The following RAP1GAP2 variants were observed in gnomAD, a reference collection of about 807,000 sequenced individuals.
The protein encoded by RAP1GAP2 is RAP1 GTPase activating protein 2, also known as rap1 GTPase-activating protein 2.
Under a neutral mutation model 95.0 loss-of-function variants are expected in RAP1GAP2, and 27 were observed. The observed-to-expected ratio is 0.28, with a 90% CI of 0.21 to 0.39. The LOEUF (loss-of-function observed/expected upper bound fraction) is 0.39. Among genes scored for constraint, RAP1GAP2 ranks in the 10% least tolerant of loss-of-function variants. The pLI is 1.00. For missense variants in RAP1GAP2, 771 were observed against 970.0 expected, an observed-to-expected ratio of 0.79 and a Z score of 2.72; for synonymous variants, 373 against 380.9, an observed-to-expected ratio of 0.98 and a Z score of 0.24.
At chr17:2,911,164 C>G (rs948416506) in intron 3 of RAP1GAP2, among the ~76,000 whole-genome samples, 2 of 152,070 alleles carry the variant, frequency 1.3e-5, no homozygotes, top group Admixed American at 1.3e-4. Context: ...GAGTCTCTGC[C>G]GCGCTCCCCC....
chr17:2,899,490 C>T (rs575194937), intron 2 of RAP1GAP2, among the ~76,000 whole-genome samples: 238 of 151,800 alleles, frequency 1.6e-3, no homozygotes, highest in Non-Finnish European at 2.7e-3. Context: ...GGATTACAGG[C>T]GTCAGCCACC....
chr17:2,791,449 G>A (rs766540064), upstream of RAP1GAP2, among the ~76,000 whole-genome samples: 48 of 152,210 alleles, frequency 3.2e-4, no homozygotes, highest in Non-Finnish European at 6.5e-4. Flanking sequence ...TCTCCCCAGT[G>A]ATGAGCTGAG....
chr17:2,912,682 C>T (rs932571991), intron 3 of RAP1GAP2, among the ~76,000 whole-genome samples: 1 of 152,136 alleles, frequency 6.6e-6, no homozygotes, highest in African/African-American at 2.4e-5. Context: ...GGGAGAGTCA[C>T]CTCTGGTCTC....
intron 2 of RAP1GAP2, among the ~76,000 whole-genome samples, chr17:2,889,967 G>A (rs182869276): frequency 0.01 from 1,445 of 141,760 alleles, 28 homozygotes; most frequent in African/African-American, 0.034. Context: ...CAAGTGATCC[G>A]CCCGCTTTGG....
chr17:2,813,354 C>T lies in RAP1GAP2; in HGVS notation c.80+12804C>T, dbSNP rs527369083. On this transcript the variant is annotated intron_variant, in intron 2 of 24. Coordinates refer to ENST00000254695, the MANE Select transcript of RAP1GAP2 (RefSeq NM_015085.5). ...CCTCCCAAAGTGCTGGGAATACAGG[C>T]GTGAGCTGCGGTGCCCAACTATACT... Among the ~76,000 whole-genome samples, 12 of 152,184 alleles carry T rather than the reference C, an allele frequency of 7.9e-5. 1 individual carries two copies. In the South Asian group the frequency reaches 2.3e-3, roughly 29 times the overall value.
chr17:2,957,993 C>T (rs527868619), intron 4 of RAP1GAP2, among the ~76,000 whole-genome samples, 199 bp downstream of exon 4: 3 of 152,128 alleles, frequency 2.0e-5, no homozygotes, highest in Admixed American at 6.5e-5. Context: ...AAGACTCCTG[C>T]GGAGGGACAG....
intron 11 of RAP1GAP2, among the ~76,000 whole-genome samples, chr17:2,989,428 G>T (rs997277186): frequency 6.6e-6 from 1 of 152,050 alleles, no homozygotes; most frequent in Non-Finnish European, 1.5e-5. Flanking sequence ...TGCCTCCCGG[G>T]TTCCAGCGAT....
chr17:2,913,615 G>T (rs2042465414), intron 3 of RAP1GAP2, among the ~76,000 whole-genome samples: 1 of 152,096 alleles, frequency 6.6e-6, no homozygotes, highest in Admixed American at 6.6e-5. Context: ...AGGCCAACTT[G>T]CTTATGCTTC....
At chr17:2,790,965 GA>G (rs1377463879) in intron 1 of RAP1GAP2, among the ~76,000 whole-genome samples, 1 of 152,236 alleles carries the variant, frequency 6.6e-6, no homozygotes, top group Non-Finnish European at 1.5e-5. Context: ...AGCACTTTGG[GA>G]GGCTGAGGTG....
chr17:2,878,322 C>T (rs2073162762), intron 2 of RAP1GAP2, among the ~76,000 whole-genome samples: 2 of 151,952 alleles, frequency 1.3e-5, no homozygotes, highest in Non-Finnish European at 2.9e-5. Flanking sequence ...GCCTGTGAGA[C>T]CCCCCCGGGG....
At chr17:2,931,754 G>A (rs2043164250) in intron 3 of RAP1GAP2, among the ~76,000 whole-genome samples, 1 of 152,204 alleles carries the variant, frequency 6.6e-6, no homozygotes, top group Non-Finnish European at 1.5e-5. Context: ...ATTTGCAGAT[G>A]TCCCCTCTTC....
chr17:2,944,521 G>A (rs568746410), intron 3 of RAP1GAP2, among the ~76,000 whole-genome samples: 81 of 152,186 alleles, frequency 5.3e-4, no homozygotes, highest in African/African-American at 1.8e-3. Flanking sequence ...AGGACCACAC[G>A]GTTTTGATCA....
chr17:2,956,955 C>T (rs111672194), intron 3 of RAP1GAP2, among the ~76,000 whole-genome samples: 13 of 152,058 alleles, frequency 8.5e-5, no homozygotes, highest in Admixed American at 2.6e-4. Context: ...AGTGAAACCC[C>T]GTCTCTACTA....
intron 3 of RAP1GAP2, among the ~76,000 whole-genome samples, chr17:2,919,900 C>T (rs1463050130): frequency 3.9e-5 from 6 of 152,018 alleles, no homozygotes; most frequent in African/African-American, 1.4e-4. Flanking sequence ...GGGGTTTCGC[C>T]ATGTTGGCCA....
chr17:2,852,672 A>G (rs1283031117), intron 2 of RAP1GAP2, among the ~76,000 whole-genome samples: 2 of 152,232 alleles, frequency 1.3e-5, no homozygotes, highest in Non-Finnish European at 2.9e-5. Context: ...AAGATGGACT[A>G]ATTGGCTTGT....
intron 8 of RAP1GAP2, among the ~76,000 whole-genome samples, chr17:2,974,634 AAATTTATAAACAAAAGT>A (rs2045031157): frequency 6.6e-6 from 1 of 152,190 alleles, no homozygotes; most frequent in African/African-American, 2.4e-5. Context: ...GGCTTGAACT[AAATTTATAAACAAAAGT>A]AGCAAGGACA....
At chr17:2,862,996 C>CAAAA (rs1164520490) in intron 2 of RAP1GAP2, among the ~76,000 whole-genome samples, 5 of 49,016 alleles carry the variant, frequency 1.0e-4, no homozygotes, top group African/African-American at 2.5e-4. Flanking sequence ...GACTCTGTCT[C>CAAAA]AAAAAAAAAA....
chr17:2,805,630 C>T (rs907142908), intron 2 of RAP1GAP2, among the ~76,000 whole-genome samples: 11 of 152,134 alleles, frequency 7.2e-5, no homozygotes, highest in African/African-American at 2.7e-4. Flanking sequence ...ACCTCAGCCT[C>T]CCAAAGTGTT....
At position 2,939,436 on chromosome 17, in the gene RAP1GAP2, G is replaced by T. The variant is rs374938997; in HGVS notation, c.166-18323G>T. The stretch of plus-strand genomic sequence containing the variant: ...CTTCACACCTCTTAGGTGGTGTGAG[G>T]TGCGTGGGAATGCCTCGAAAGATGC... On this transcript the variant is annotated intron_variant, in intron 3 of 24. Transcript: ENST00000254695. 8.5e-5 allele frequency among the ~76,000 whole-genome samples: 13 copies of T among 152,370 alleles called. 1 individual carries two copies. The highest frequency in any genetic ancestry group is 2.1e-4 in the South Asian group (1 of 4,830).
Sources: allele counts gnomAD v4.1 joint callset (sites outside exome capture counted in the v4.1 genomes callset), GRCh38; gene constraint gnomAD v4.1.1; transcripts MANE v1.5; gene names NCBI Gene and HGNC (gene_info 2026-07-23, HGNC 2026-07-21).